Variants in ABLIM1 observed in about 807,000 individuals in gnomAD.
The protein encoded by ABLIM1 is actin-binding LIM protein 1.
A neutral mutation model predicts 107.0 loss-of-function variants in ABLIM1; 40 were observed. That is an observed-to-expected ratio of 0.37 (90% CI 0.29 to 0.49). The LOEUF (loss-of-function observed/expected upper bound fraction) is 0.49. Among genes scored for constraint, ABLIM1 ranks in the 20% least tolerant of loss-of-function variants. The probability of loss-of-function intolerance (pLI) is 0.97; values close to 1 mark genes in which losing one functional copy is unlikely to be tolerated. For synonymous variants in ABLIM1, 357 were observed against 357.3 expected, an observed-to-expected ratio of 1.00 and a Z score of 0.01; for missense variants, 857 against 1,008.5, an observed-to-expected ratio of 0.85 and a Z score of 2.04.
intron 1 of ABLIM1, among the ~76,000 whole-genome samples, chr10:114,731,432 A>G (rs111491267): frequency 0.055 from 8,263 of 150,666 alleles, 371 homozygotes; most frequent in African/African-American, 0.11. Context: ...ATGAGCCACC[A>G]TGCCTAGACA....
At chr10:114,601,411 G>A (rs567068713) in intron 2 of ABLIM1, among the ~76,000 whole-genome samples, 3 of 151,812 alleles carry the variant, frequency 2.0e-5, no homozygotes, top group East Asian at 3.9e-4. Context: ...GATTACAGAC[G>A]CCCACCACTG....
chr10:114,505,640 A>G (rs1029195923), intron 6 of ABLIM1, among the ~76,000 whole-genome samples: 1 of 152,210 alleles, frequency 6.6e-6, no homozygotes, highest in Non-Finnish European at 1.5e-5. Context: ...CAGGCTTTTT[A>G]AGTTAAAAAT....
intron 1 of ABLIM1, among the ~76,000 whole-genome samples, chr10:114,656,700 AACAAAT>A (rs1366801623): frequency 6.6e-6 from 1 of 152,262 alleles, no homozygotes; most frequent in Non-Finnish European, 1.5e-5. Context: ...TGTAAGCAGA[AACAAAT>A]TGTGGAATAT....
At chr10:114,684,622 G>T in exon 1 of ABLIM1, 3 of 1,225,734 alleles carry the variant, frequency 2.4e-6, no homozygotes, top group Non-Finnish European at 3.1e-6. Context: ...CACTTCTAAA[G>T]AGACCCCTTG....
At chr10:114,794,690 A>G in the ABLIM1 span, among the ~76,000 whole-genome samples, 1 of 152,238 alleles carries the variant, frequency 6.6e-6, no homozygotes, top group Non-Finnish European at 1.5e-5. Context: ...AATATAAAAT[A>G]GTACTTTATC....
At chr10:114,790,766 T>C in the ABLIM1 span, among the ~76,000 whole-genome samples, 109,483 of 152,138 alleles carry the variant, frequency 0.72, 39,506 homozygotes, top group African/African-American at 0.75. Context: ...GTGTTGAGAT[T>C]TTGCTAAATG....
intron 6 of ABLIM1, among the ~76,000 whole-genome samples, chr10:114,537,298 A>T (rs1392011677): frequency 6.6e-6 from 1 of 152,096 alleles, no homozygotes; most frequent in Non-Finnish European, 1.5e-5. Context: ...TGGGGTTCAT[A>T]TGAGTATTTT....
In ABLIM1 at chr10:114,704,335, T is replaced by G. The variant is rs865821401; in HGVS notation, c.-213+63726A>C. On this transcript the variant is annotated intron_variant, in intron 1 of 15. Coordinates refer to the ABLIM1 transcript ENST00000651092. ...ATATATATATATATATATATATATATTGCGCGCGTTACATCTGTGAGGTAT... is the reference window on the plus strand; with the variant it reads ...ATATATATATATATATATATATATAGTGCGCGCGTTACATCTGTGAGGTAT... 6.9e-3 allele frequency among the ~76,000 whole-genome samples: 577 copies of G among 83,140 alleles called. 9 individuals carry two copies. The highest frequency in any genetic ancestry group is 9.8e-3 in the Non-Finnish European group (386 of 39,268). 54.5% of individuals were successfully genotyped at this position (83,140 alleles called of 152,430 possible).
At position 114,673,711 on chromosome 10, in the gene ABLIM1, T is replaced by C. The variant is rs183465674; in HGVS notation, c.64+10579A>G. Among the ~76,000 whole-genome samples, 8 of 152,340 alleles carry C rather than the reference T, an allele frequency of 5.3e-5. No homozygotes were observed. In the East Asian group the frequency reaches 1.5e-3, roughly 29 times the overall value. On this transcript the variant is annotated intron_variant, in intron 1 of 23. Transcript: ENST00000369256. ...TTCTCATGGTACCACAATTTATAATTATGCAGTTGTCTGACTTCTCAAAAG... is the reference window on the plus strand; with the variant it reads ...TTCTCATGGTACCACAATTTATAATCATGCAGTTGTCTGACTTCTCAAAAG...
intron 1 of ABLIM1, among the ~76,000 whole-genome samples, chr10:114,752,293 A>C (rs2082532361): frequency 6.6e-6 from 1 of 152,172 alleles, no homozygotes. Context: ...TCAAGCTAGA[A>C]TTCAAGTCTC....
At chr10:114,447,787 T>C (rs2061244257) in intron 15 of ABLIM1, 93 bp downstream of exon 15, 3 of 1,537,780 alleles carry the variant, frequency 2.0e-6, no homozygotes, top group Non-Finnish European at 1.8e-6. Flanking sequence ...AAAATCTTCA[T>C]AATAGGATAC....
chr10:114,625,403 C>T (rs2077724909), intron 1 of ABLIM1, among the ~76,000 whole-genome samples: 1 of 152,084 alleles, frequency 6.6e-6, no homozygotes, highest in Non-Finnish European at 1.5e-5. Flanking sequence ...TTTGGGAAGA[C>T]AGACAGCATT....
chr10:114,614,367 G>C (rs760055194), intron 1 of ABLIM1, among the ~76,000 whole-genome samples: 3 of 152,020 alleles, frequency 2.0e-5, no homozygotes, highest in African/African-American at 7.3e-5. Context: ...CAGGAGAATC[G>C]CTTGAACCCG....
chr10:114,656,136 G>T (rs1347590907), intron 1 of ABLIM1, among the ~76,000 whole-genome samples: 1 of 152,034 alleles, frequency 6.6e-6, no homozygotes, highest in Non-Finnish European at 1.5e-5. Flanking sequence ...CAGGTGTGGT[G>T]GCACATGCCG....
chr10:114,661,995 C>A (rs1219048038), upstream of ABLIM1, among the ~76,000 whole-genome samples: 1 of 152,172 alleles, frequency 6.6e-6, no homozygotes, highest in African/African-American at 2.4e-5. Context: ...CACAGTGATT[C>A]TCCACAAATG....
chr10:114,458,853 A>C (rs933523165), intron 12 of ABLIM1, among the ~76,000 whole-genome samples: 3 of 152,234 alleles, frequency 2.0e-5, no homozygotes, highest in African/African-American at 7.2e-5. Flanking sequence ...ACGAAGCCCG[A>C]AACAAAGCGA....
chr10:114,685,790 A>G (rs756892472), upstream of ABLIM1, among the ~76,000 whole-genome samples: 1 of 152,250 alleles, frequency 6.6e-6, no homozygotes. Context: ...TAGTGATTCC[A>G]TATTTTAGCC....
At position 114,567,367 on chromosome 10, in the gene ABLIM1, C is replaced by A. The variant is rs2070908922; in HGVS notation, c.673+3930G>T. On this transcript the variant is annotated intron_variant, in intron 4 of 22. Transcript: ENST00000533213. ...TCTATGGACATTTGTTTCTTCTTCT[C>A]TGAAAAGGGGATAGTATTAGTGCCA... is the stretch of plus-strand genomic sequence containing the variant. Among the ~76,000 whole-genome samples the A allele has an allele frequency of 3.3e-5, 5 of 152,326 alleles. No homozygotes were observed. The South Asian group carries it at 1.0e-3, about 32-fold the overall frequency.
intron 1 of ABLIM1, among the ~76,000 whole-genome samples, chr10:114,635,663 T>C (rs755007648): frequency 6.6e-6 from 1 of 152,222 alleles, no homozygotes; most frequent in Non-Finnish European, 1.5e-5. Flanking sequence ...TAGCTGGGAT[T>C]GCAGTGCGCC....
Sources: allele counts gnomAD v4.1 joint callset (sites outside exome capture counted in the v4.1 genomes callset), GRCh38; gene constraint gnomAD v4.1.1; transcripts MANE v1.5; gene names NCBI Gene and HGNC (gene_info 2026-07-23, HGNC 2026-07-21).